STRADB: variants seen among roughly 807,000 people sequenced by gnomAD.
STRADB encodes STE20-related kinase adapter protein beta.
Under a neutral mutation model 52.1 loss-of-function variants are expected in STRADB, and 34 were observed. That is an observed-to-expected ratio of 0.65 (90% confidence interval 0.50 to 0.87). STRADB has a LOEUF of 0.87. Ranked by LOEUF, STRADB falls within the 40% of genes least tolerant of loss-of-function variation. The pLI is 0.00. For missense variants in STRADB, 340 were observed against 483.9 expected, an observed-to-expected ratio of 0.70 and a Z score of 2.79; for synonymous variants, 133 against 174.5, an observed-to-expected ratio of 0.76 and a Z score of 1.87.
chr2:201,453,124 G>A (rs1255079729), intron 1 of STRADB, among the ~76,000 whole-genome samples: 1 of 148,008 alleles, frequency 6.8e-6, no homozygotes, highest in East Asian at 2.0e-4. Flanking sequence ...GTGTATCTAA[G>A]GCAAAAATCT....
Position 201,459,147 on chromosome 2 carries a change from TTCTTCCTAAAGTGGC to T in STRADB, c.93+308_93+322del, listed in dbSNP as rs549241653. Among the ~76,000 whole-genome samples the T allele has an allele frequency of 3.9e-3, 591 of 152,274 alleles. 8 individuals are homozygous for T. Among genetic ancestry groups the T allele is most frequent in the African/African-American group, 0.013 (530 of 41,552 alleles). On this transcript the variant is annotated intron_variant, in intron 3 of 11. Transcript: ENST00000194530. ...AGGAGTCTATAACTGGCCATTTCTC[TTCTTCCTAAAGTGGC>T]TCTTCCTAAAGTGGCTCTTCCTAAG...
Position 201,475,657 on chromosome 2 carries a change from G to A in STRADB, c.463G>A (p.Gly155Arg). The change falls in exon 7 of 12, where the codon GGA becomes AGA. Residue 155 changes from glycine (G) to arginine (R), a missense_variant. Coordinates refer to ENST00000194530, the MANE Select transcript of STRADB (RefSeq NM_018571.6). ...SQLLRTYFPEGMSETLIRNIL... is the reference protein window; with the variant it reads ...SQLLRTYFPERMSETLIRNIL... Reference sequence around the variant, plus strand: ...ACTCTTGAGGACCTATTTTCCTGAAGGAATGAGTGAAACTTTAATAAGAAA... The same window carrying A: ...ACTCTTGAGGACCTATTTTCCTGAAAGAATGAGTGAAACTTTAATAAGAAA... The A allele has an allele frequency of 6.2e-7, 1 of 1,611,974 alleles. No individual in the cohort carries two copies. Among genetic ancestry groups the A allele is most frequent in the Non-Finnish European group, 8.5e-7 (1 of 1,179,848 alleles).
At chr2:201,454,014 C>T (rs1005078633) in intron 1 of STRADB, among the ~76,000 whole-genome samples, 1 of 152,094 alleles carries the variant, frequency 6.6e-6, no homozygotes, top group Non-Finnish European at 1.5e-5. Flanking sequence ...TCATCCTGCT[C>T]ACATATTTGT....
chr2:201,468,912 AAG>A (rs1952347439), intron 3 of STRADB, among the ~76,000 whole-genome samples: 1 of 152,260 alleles, frequency 6.6e-6, no homozygotes, highest in Non-Finnish European at 1.5e-5. Flanking sequence ...GGCAGAAAAA[AAG>A]AGAAACTAAA....
At chr2:201,457,647 G>C (rs1952146984) in intron 2 of STRADB, among the ~76,000 whole-genome samples, 1 of 152,198 alleles carries the variant, frequency 6.6e-6, no homozygotes, top group African/African-American at 2.4e-5. Context: ...AAAGTGTTAA[G>C]TAGACATAGG....
chr2:201,463,072 T>C (rs1952241940), intron 3 of STRADB, among the ~76,000 whole-genome samples: 1 of 152,222 alleles, frequency 6.6e-6, no homozygotes, highest in Non-Finnish European at 1.5e-5. Flanking sequence ...GTTTGGTGGC[T>C]CACACCTGTA....
chr2:201,474,635 T>C lies in STRADB; in HGVS notation c.316-12T>C. On this transcript the variant is annotated splice_polypyrimidine_tract_variant and intron_variant, in intron 5 of 11. Coordinates refer to ENST00000194530, the MANE Select transcript of STRADB (RefSeq NM_018571.6). ...GTTTTTAAATGTCTTGTCTCTTGTG[T>C]GTTTATCCTAGAAAGCCGTGATTCT... 2.1e-5 allele frequency: 33 copies of C among 1,602,366 alleles called. No individual in the cohort carries two copies. Among genetic ancestry groups the C allele is most frequent in the Non-Finnish European group, 2.8e-5 (33 of 1,174,742 alleles).
intron 11 of STRADB, 164 bp from the exon 12 acceptor site, chr2:201,479,868 T>A: frequency 1.2e-6 from 1 of 825,430 alleles, no homozygotes; most frequent in Non-Finnish European, 1.9e-6. Flanking sequence ...CTTTGGCTCT[T>A]CTTCCTGTTT....
Position 201,474,646 on chromosome 2 carries a change from G to T in STRADB, c.316-1G>T. ...TCTTGTCTCTTGTGTGTTTATCCTA[G>T]AAAGCCGTGATTCTATCCCACTTTT... On this transcript the variant is annotated splice_acceptor_variant, in intron 5 of 11. Coordinates refer to ENST00000194530, the MANE Select transcript of STRADB (RefSeq NM_018571.6). LOFTEE classifies it high-confidence loss of function. 6.2e-7 allele frequency: 1 copy of T among 1,608,070 alleles called. No individual in the cohort carries two copies. The highest frequency in any genetic ancestry group is 8.5e-7 in the Non-Finnish European group (1 of 1,178,542).
intron 8 of STRADB, 113 bp downstream of exon 8, chr2:201,477,903 T>C (rs1208344394): frequency 9.0e-6 from 12 of 1,339,650 alleles, no homozygotes; most frequent in Non-Finnish European, 1.2e-5. Flanking sequence ...TGCAAGACTT[T>C]ATTTCTCTTT....
chr2:201,453,835 A>G (rs1952087340), intron 1 of STRADB, among the ~76,000 whole-genome samples: 1 of 152,174 alleles, frequency 6.6e-6, no homozygotes, highest in African/African-American at 2.4e-5. Context: ...CTTTAAATTG[A>G]CGGTAATGAA....
At chr2:201,478,902 C>T (rs550209457) in intron 10 of STRADB, among the ~76,000 whole-genome samples, 6 of 151,884 alleles carry the variant, frequency 4.0e-5, no homozygotes, top group East Asian at 1.9e-4. Flanking sequence ...GGTGAAACCC[C>T]GTCTCTACTA....
Position 201,469,939 on chromosome 2 carries a change from A to C in STRADB, c.94-14A>C, listed in dbSNP as rs540388237. 1.9e-6 allele frequency: 3 copies of C among 1,606,590 alleles called. No homozygotes were observed. In the South Asian group the frequency reaches 3.3e-5, roughly 18 times the overall value. On this transcript the variant is annotated splice_polypyrimidine_tract_variant and intron_variant, in intron 3 of 11. Transcript: ENST00000194530. ...GTTCATCTATTTTGTTTTTATCTTT[A>C]AAAACAAATGCAGGTTGATGAGCCA...
intron 7 of STRADB, among the ~76,000 whole-genome samples, chr2:201,476,196 A>T (rs1198963174): frequency 1.3e-5 from 2 of 152,186 alleles, no homozygotes; most frequent in Non-Finnish European, 2.9e-5. Flanking sequence ...CCTAAATATC[A>T]CTTCTCTTGT....
intron 5 of STRADB, among the ~76,000 whole-genome samples, chr2:201,473,470 T>C (rs1234102805): frequency 1.3e-5 from 2 of 152,276 alleles, no homozygotes; most frequent in Middle Eastern, 3.4e-3. Context: ...TTTGAGGAGA[T>C]TACATCTGTA....
intron 1 of STRADB, among the ~76,000 whole-genome samples, chr2:201,454,332 T>C (rs760132194): frequency 4.6e-5 from 7 of 152,226 alleles, no homozygotes; most frequent in Non-Finnish European, 7.3e-5. Flanking sequence ...GTGGAACCAT[T>C]GAAAATTCTT....
At chr2:201,471,520 T>C (rs945107990) in intron 4 of STRADB, among the ~76,000 whole-genome samples, 5 of 152,234 alleles carry the variant, frequency 3.3e-5, no homozygotes, top group African/African-American at 1.2e-4. Flanking sequence ...TATTTTTTTC[T>C]TTAACCCTTT....
intron 2 of STRADB, among the ~76,000 whole-genome samples, chr2:201,456,669 GA>G (rs2125671451): frequency 6.6e-6 from 1 of 152,250 alleles, no homozygotes; most frequent in Admixed American, 6.5e-5. Flanking sequence ...CCCTCTATTT[GA>G]GAACTAAGAA....
At position 201,473,052 on chromosome 2, in the gene STRADB, T is replaced by C; in HGVS notation, c.291T>C (p.Asn97=). The C allele has an allele frequency of 6.2e-6, 10 of 1,613,076 alleles. No homozygotes were observed. The highest frequency in any genetic ancestry group is 8.5e-6 in the Non-Finnish European group (10 of 1,179,732). The part of the protein sequence containing the change: ...TIKITNLENC[N]EERLKALQKA... Reference sequence around the variant, plus strand: ...AAATTACAAATCTGGAAAACTGCAATGAAGAACGCCTGAAAGCTTTACAGG... The same window carrying C: ...AAATTACAAATCTGGAAAACTGCAACGAAGAACGCCTGAAAGCTTTACAGG... The change falls in exon 5 of 12, where the codon AAT becomes AAC. Residue 97 remains asparagine (N), a synonymous_variant. Coordinates refer to ENST00000194530, the MANE Select transcript of STRADB (RefSeq NM_018571.6).
Sources: allele counts gnomAD v4.1 joint callset (sites outside exome capture counted in the v4.1 genomes callset), GRCh38; gene constraint gnomAD v4.1.1; transcripts MANE v1.5; gene names NCBI Gene and HGNC (gene_info 2026-07-23, HGNC 2026-07-21).